Variants in AGBL1 observed in about 807,000 individuals in gnomAD.
AGBL1 encodes the protein AGBL carboxypeptidase 1, also known as cytosolic carboxypeptidase 4.
Under a neutral mutation model 118.9 loss-of-function variants are expected in AGBL1, and 130 were observed. The observed-to-expected ratio is 1.09, with a 90% CI of 0.95 to 1.26. The LOEUF (loss-of-function observed/expected upper bound fraction) is 1.26. Ranked by LOEUF, AGBL1 falls within the 50% of genes most tolerant of loss-of-function variation. The pLI is 0.00. For missense variants in AGBL1, 1,584 were observed against 1,298.1 expected (o/e 1.22, Z -3.38); for synonymous variants, 555 against 478.9 (o/e 1.16, Z -2.08).
intron 22 of AGBL1, among the ~76,000 whole-genome samples, chr15:86,860,803 G>T (rs1218251706): frequency 6.6e-6 from 1 of 152,062 alleles, no homozygotes; most frequent in Non-Finnish European, 1.5e-5. Context: ...AATGTTAACA[G>T]AGCCACCACC....
At position 86,778,429 on chromosome 15, in the gene AGBL1, G is replaced by A. The variant is rs12901729; in HGVS notation, c.3158+103993G>A. On this transcript the variant is annotated intron_variant, in intron 22 of 22. Transcript: ENST00000614907. ...GACTGGGAGTGCTACGGGAGACTGC[G>A]GCTTATTTCATCCCTACAGCTTCGA... 6.8e-3 allele frequency among the ~76,000 whole-genome samples: 1,037 copies of A among 152,204 alleles called. 3 individuals are homozygous for A. The highest frequency in any genetic ancestry group is 0.012 in the Non-Finnish European group (792 of 68,018).
Position 86,257,996 on chromosome 15 carries a change from G to C in AGBL1, c.934G>C (p.Asp312His). 6.2e-7 allele frequency: 1 copy of C among 1,613,736 alleles called. No homozygotes were observed. Among genetic ancestry groups the C allele is most frequent in the Non-Finnish European group, 8.5e-7 (1 of 1,179,818 alleles). Residue 312 changes from aspartate (D) to histidine (H), a missense_variant, in exon 9 of 23, where the codon GAC becomes CAC. Transcript: ENST00000614907. ...DFEDDGDDEV[D>H]KDSDTEDGKV... Reference sequence around the variant, plus strand: ...TGAAGATGATGGCGATGATGAAGTGGACAAAGACTCTGATACTGAAGATGG... The same window carrying C: ...TGAAGATGATGGCGATGATGAAGTGCACAAAGACTCTGATACTGAAGATGG...
At chr15:86,937,417 C>T (rs1232582214) in intron 23 of AGBL1, among the ~76,000 whole-genome samples, 2 of 152,128 alleles carry the variant, frequency 1.3e-5, no homozygotes, top group South Asian at 2.1e-4. Flanking sequence ...GCTCATCAGT[C>T]GTAGACTGGA....
intron 14 of AGBL1, among the ~76,000 whole-genome samples, chr15:86,271,272 C>T (rs2079157455): frequency 6.6e-6 from 1 of 151,912 alleles, no homozygotes; most frequent in African/African-American, 2.4e-5. Context: ...CCATGTTAGT[C>T]AGGATGGTCT....
At chr15:86,961,750 G>A (rs2080995328) in intron 23 of AGBL1, among the ~76,000 whole-genome samples, 1 of 152,102 alleles carries the variant, frequency 6.6e-6, no homozygotes, top group African/African-American at 2.4e-5. Context: ...CTCTAGTTTA[G>A]CCACTCCTGG....
At chr15:86,840,052 T>C (rs965163929) in intron 22 of AGBL1, among the ~76,000 whole-genome samples, 1 of 152,212 alleles carries the variant, frequency 6.6e-6, no homozygotes, top group Non-Finnish European at 1.5e-5. Flanking sequence ...CATATTTTTA[T>C]TGGGAGAGAA....
intron 22 of AGBL1, among the ~76,000 whole-genome samples, chr15:86,715,197 A>G (rs1326673801): frequency 6.6e-6 from 1 of 152,220 alleles, no homozygotes; most frequent in Non-Finnish European, 1.5e-5. Flanking sequence ...GTCTGAAGTC[A>G]GAGAATGGGG....
At chr15:86,602,369 C>G (rs1207836253) in intron 21 of AGBL1, among the ~76,000 whole-genome samples, 1 of 152,168 alleles carries the variant, frequency 6.6e-6, no homozygotes, top group Non-Finnish European at 1.5e-5. Context: ...TAAATGGTAG[C>G]TGTTGATGCT....
intron 22 of AGBL1, among the ~76,000 whole-genome samples, chr15:86,709,808 T>G (rs11632024): frequency 0.53 from 80,762 of 152,020 alleles, 23,571 homozygotes; most frequent in African/African-American, 0.78. Context: ...CTTTTCTAAA[T>G]CATAGTTTCC....
intron 23 of AGBL1, among the ~76,000 whole-genome samples, chr15:86,926,093 T>C (rs2080536254): frequency 6.6e-6 from 1 of 152,118 alleles, no homozygotes; most frequent in South Asian, 2.1e-4. Context: ...CTTCATCTCC[T>C]CTCCTTTCCT....
At chr15:86,129,760 C>T (rs2076794922) in intron 1 of AGBL1, among the ~76,000 whole-genome samples, 1 of 152,030 alleles carries the variant, frequency 6.6e-6, no homozygotes, top group Non-Finnish European at 1.5e-5. Context: ...CCCAAAATAC[C>T]AATAGTGCTG....
chr15:86,824,935 T>C (rs2078986852), intron 22 of AGBL1, among the ~76,000 whole-genome samples: 1 of 152,016 alleles, frequency 6.6e-6, no homozygotes, highest in Non-Finnish European at 1.5e-5. Context: ...TGCACACCTG[T>C]AATCCCAGCT....
At chr15:86,683,314 C>G (rs1056656257) in intron 22 of AGBL1, among the ~76,000 whole-genome samples, 2 of 152,102 alleles carry the variant, frequency 1.3e-5, no homozygotes, top group African/African-American at 2.4e-5. Context: ...TGTTTTAATA[C>G]TATTCAGGGA....
At chr15:86,675,108 G>A (rs2085815538) in intron 22 of AGBL1, among the ~76,000 whole-genome samples, 1 of 152,110 alleles carries the variant, frequency 6.6e-6, no homozygotes, top group Non-Finnish European at 1.5e-5. Flanking sequence ...AGAAATAATG[G>A]GCATGTGAGA....
chr15:86,152,140 A>C (rs1205682302), intron 3 of AGBL1, among the ~76,000 whole-genome samples: 1 of 149,322 alleles, frequency 6.7e-6, no homozygotes, highest in Non-Finnish European at 1.5e-5. Context: ...GCTACCAATG[A>C]CTTTCTTCAC....
chr15:86,824,286 T>C (rs2078978800), intron 22 of AGBL1, among the ~76,000 whole-genome samples: 1 of 152,108 alleles, frequency 6.6e-6, no homozygotes, highest in South Asian at 2.1e-4. Flanking sequence ...CATTTTTCTA[T>C]ACTAAAAATG....
chr15:86,697,292 T>C (rs762272381), intron 22 of AGBL1, among the ~76,000 whole-genome samples: 3 of 152,020 alleles, frequency 2.0e-5, no homozygotes, highest in South Asian at 2.1e-4. Flanking sequence ...TTTGTTCATT[T>C]TGAAATCTTT....
chr15:86,824,393 A>T (rs1163931688), intron 22 of AGBL1, among the ~76,000 whole-genome samples: 1 of 152,154 alleles, frequency 6.6e-6, no homozygotes, highest in Non-Finnish European at 1.5e-5. Context: ...CATGTACAAG[A>T]ATGGTATGAT....
chr15:86,432,465 G>C (rs1052827831), intron 18 of AGBL1, among the ~76,000 whole-genome samples: 3 of 152,172 alleles, frequency 2.0e-5, no homozygotes, highest in South Asian at 2.1e-4. Context: ...ATTAGCCTGT[G>C]TTAGTGTGTA....
Sources: gnomAD v4.1 joint callset for allele counts (sites outside exome capture counted in the v4.1 genomes callset) on GRCh38, gnomAD v4.1.1 for gene constraint, MANE v1.5 for transcripts, NCBI Gene and HGNC (gene_info 2026-07-23, HGNC 2026-07-21) for gene names.